The following MED6 variants were observed in gnomAD, a reference collection of about 807,000 sequenced individuals.
MED6 encodes mediator complex subunit 6.
In MED6, 33 loss-of-function variants were observed where a neutral mutation model predicts 37.5. That is an observed-to-expected ratio of 0.88 (90% CI 0.67 to 1.18). The LOEUF (loss-of-function observed/expected upper bound fraction) is 1.18, where lower values mean the gene tolerates loss of function less well. Ranked by LOEUF, MED6 falls within the 50% of genes most tolerant of loss-of-function variation. The pLI, the probability that MED6 is intolerant of heterozygous loss-of-function variation, is 0.00. For missense variants in MED6, 235 were observed against 290.6 expected, an observed-to-expected ratio of 0.81 and a Z score of 1.39; for synonymous variants, 94 against 93.6, an observed-to-expected ratio of 1.00 and a Z score of -0.02.
intron 6 of MED6, among the ~76,000 whole-genome samples, chr14:70,586,354 A>G (rs1197237640): frequency 6.6e-6 from 1 of 152,156 alleles, no homozygotes; most frequent in Non-Finnish European, 1.5e-5. Context: ...TCTGCAAGCA[A>G]TTCTTTCACT....
chr14:70,588,271 C>T (rs1399977149), intron 6 of MED6, among the ~76,000 whole-genome samples: 1 of 152,064 alleles, frequency 6.6e-6, no homozygotes, highest in Non-Finnish European at 1.5e-5. Context: ...GTTTTTGGCC[C>T]TTGGATGGTA....
intron 3 of MED6, chr14:70,595,204 TA>T (rs1885007178): frequency 9.3e-6 from 5 of 538,836 alleles, no homozygotes; most frequent in Admixed American, 7.7e-5. Flanking sequence ...GAAGAGGAAG[TA>T]AAGGCCTACA....
At chr14:70,588,336 A>G (rs1009375065) in intron 6 of MED6, among the ~76,000 whole-genome samples, 1 of 152,132 alleles carries the variant, frequency 6.6e-6, no homozygotes, top group African/African-American at 2.4e-5. Flanking sequence ...TAAACCTTTA[A>G]AAGAAAAAGG....
At chr14:70,585,106 C>CA (rs1884665825) in intron 7 of MED6, among the ~76,000 whole-genome samples, 163 bp from the exon 8 acceptor site, 2 of 152,134 alleles carry the variant, frequency 1.3e-5, no homozygotes, top group Non-Finnish European at 2.9e-5. Flanking sequence ...AACCCAGTTA[C>CA]AAACCTAACA....
chr14:70,585,713 TG>T, intron 7 of MED6, 42 bp downstream of exon 7: 1 of 1,538,888 alleles, frequency 6.5e-7, no homozygotes, highest in Non-Finnish European at 8.8e-7. Context: ...ACAAGCTGTT[TG>T]ACCTTATTTC....
chr14:70,591,290 TTGTC>T lies in MED6; in HGVS notation c.554_557del (p.Arg185LysfsTer10). The stretch of plus-strand genomic sequence containing the variant: ...CCTGCACAAATTTGGGTGGAAATTT[TTGTC>T]TGAGGTCTAAAAGTAAAGCATCCAC... On this transcript the variant is annotated frameshift_variant, in exon 6 of 8. Coordinates refer to ENST00000256379, the MANE Select transcript of MED6 (RefSeq NM_005466.4). LOFTEE classifies it high-confidence loss of function. 6.2e-7 allele frequency: 1 copy of T among 1,612,148 alleles called. No individual in the cohort carries two copies. Among genetic ancestry groups the T allele is most frequent in the Non-Finnish European group, 8.5e-7 (1 of 1,179,406 alleles).
intron 1 of MED6, among the ~76,000 whole-genome samples, chr14:70,600,317 T>C (rs565003411): frequency 1.7e-3 from 258 of 152,158 alleles, no homozygotes; most frequent in African/African-American, 5.8e-3. Flanking sequence ...TCCAATAGAA[T>C]AGCCCTAATG....
chr14:70,592,739 A>T, intron 5 of MED6, 141 bp downstream of exon 5: 1 of 827,916 alleles, frequency 1.2e-6, no homozygotes, highest in Non-Finnish European at 1.8e-6. Context: ...TAGTTACATG[A>T]ATCTCAGCTG....
At chr14:70,594,635 C>A (rs1884986469) in intron 3 of MED6, 2 of 428,720 alleles carry the variant, frequency 4.7e-6, no homozygotes, top group South Asian at 4.0e-5. Context: ...CCCAGCCAGT[C>A]AGCAGCACGG....
chr14:70,592,546 T>C (rs1339500266), intron 5 of MED6: 1 of 149,562 alleles, frequency 6.7e-6, no homozygotes, highest in Non-Finnish European at 1.4e-5. Context: ...CAAGCTGATC[T>C]TGAACTCCTA....
intron 1 of MED6, among the ~76,000 whole-genome samples, chr14:70,599,111 C>T (rs1305811966): frequency 6.6e-6 from 1 of 152,108 alleles, no homozygotes; most frequent in East Asian, 1.9e-4. Context: ...AATGCCTATA[C>T]AATACTGGTT....
intron 5 of MED6, 62 bp from the exon 6 acceptor site, chr14:70,591,443 C>T: frequency 7.6e-7 from 1 of 1,311,384 alleles, no homozygotes; most frequent in Non-Finnish European, 1.1e-6. Context: ...TCATATTTTA[C>T]AAATCTTTAT....
chr14:70,596,304 CTG>C lies in MED6; in HGVS notation c.274+305_274+306del, dbSNP rs1226450918. 3 of 243,256 alleles carry C rather than the reference CTG, an allele frequency of 1.2e-5. No individual in the cohort carries two copies. The Admixed American group carries it at 1.5e-4, about 12-fold the overall frequency. 15.1% of individuals were successfully genotyped at this position (243,256 alleles called of 1,614,324 possible). The stretch of plus-strand genomic sequence containing the variant: ...TTCACTGCTGGATGGAGGGCACACT[CTG>C]TGGCCCTTCACAAGCAAGAGGGAAA... On this transcript the variant is annotated intron_variant, in intron 3 of 7. Transcript: ENST00000256379.
chr14:70,592,463 G>A (rs992550173), intron 5 of MED6: 10 of 145,578 alleles, frequency 6.9e-5, no homozygotes, highest in Non-Finnish European at 1.1e-4. Context: ...CCACACCACT[G>A]TCTCTCCTAT....
chr14:70,596,735 T>C, intron 2 of MED6, 33 bp from the exon 3 acceptor site: 1 of 1,420,948 alleles, frequency 7.0e-7, no homozygotes, highest in South Asian at 1.2e-5. Flanking sequence ...CAAAGATCTA[T>C]AAACGCCCTA....
chr14:70,595,605 C>A (rs866722275), intron 3 of MED6: 4 of 755,054 alleles, frequency 5.3e-6, no homozygotes, highest in African/African-American at 3.3e-5. Flanking sequence ...GGCAGAGAGG[C>A]AGCACCAGGC....
At chr14:70,593,263 T>G (rs1566676356) in intron 4 of MED6, 33 bp downstream of exon 4, 2 of 1,575,570 alleles carry the variant, frequency 1.3e-6, no homozygotes, top group Non-Finnish European at 8.7e-7. Context: ...TTAAAAGTTT[T>G]CTTTAGTGCT....
chr14:70,596,828 G>GT, intron 2 of MED6, 126 bp from the exon 3 acceptor site: 1 of 636,062 alleles, frequency 1.6e-6, no homozygotes, highest in Non-Finnish European at 2.6e-6. Flanking sequence ...TATGTTTGGT[G>GT]TTATAATCTG....
At chr14:70,590,563 G>T (rs1884838417) in intron 6 of MED6, among the ~76,000 whole-genome samples, 1 of 152,156 alleles carries the variant, frequency 6.6e-6, no homozygotes. Context: ...ATCCCTTAAA[G>T]AGCTCCTAAC....
Sources: gnomAD v4.1 joint callset for allele counts (sites outside exome capture counted in the v4.1 genomes callset) on GRCh38, gnomAD v4.1.1 for gene constraint, MANE v1.5 for transcripts, NCBI Gene and HGNC (gene_info 2026-07-23, HGNC 2026-07-21) for gene names.